Variants in AP4E1 observed in about 807,000 individuals in gnomAD.
AP4E1 encodes the protein AP-4 complex subunit epsilon-1.
In AP4E1, 56 loss-of-function variants were observed where a neutral mutation model predicts 128.2. The ratio of observed to expected loss-of-function variants is 0.44; its 90% CI spans 0.35 to 0.55. The LOEUF is 0.55. Ranked by LOEUF, AP4E1 falls within the 20% of genes least tolerant of loss-of-function variation. AP4E1 has a pLI of 0.00. For missense variants in AP4E1, 1,324 were observed against 1,307.7 expected (o/e 1.01, Z -0.19); for synonymous variants, 484 against 473.1 (o/e 1.02, Z -0.30).
chr15:50,986,985 A>C (rs1567258092), intron 16 of AP4E1, among the ~76,000 whole-genome samples: 1 of 152,042 alleles, frequency 6.6e-6, no homozygotes, highest in Non-Finnish European at 1.5e-5. Flanking sequence ...TCAATTTCAG[A>C]GCCTGTTATT....
chr15:50,927,125 T>C (rs372900311), intron 5 of AP4E1, among the ~76,000 whole-genome samples: 107 of 152,366 alleles, frequency 7.0e-4, no homozygotes, highest in African/African-American at 2.4e-3. Flanking sequence ...AACTTTTCCT[T>C]ACCACTACTT....
At chr15:50,940,168 G>A (rs962884395) in intron 8 of AP4E1, among the ~76,000 whole-genome samples, 2 of 152,042 alleles carry the variant, frequency 1.3e-5, no homozygotes, top group Non-Finnish European at 2.9e-5. Flanking sequence ...ATCATAAAGC[G>A]AACTTTTTTC....
At chr15:50,948,339 CTTTTT>C (rs66467957) in intron 11 of AP4E1, among the ~76,000 whole-genome samples, 180 bp downstream of exon 11, 1 of 122,060 alleles carries the variant, frequency 8.2e-6, no homozygotes, top group Non-Finnish European at 1.7e-5. Flanking sequence ...TAGGAGATGG[CTTTTT>C]TTTTTTTTTT....
intron 15 of AP4E1, among the ~76,000 whole-genome samples, chr15:50,983,713 C>T (rs1030626299): frequency 2.6e-5 from 4 of 152,136 alleles, no homozygotes; most frequent in Non-Finnish European, 5.9e-5. Context: ...AGCGACTTTT[C>T]AGTAGACTTG....
At chr15:50,973,897 T>C (rs1326318523) in intron 15 of AP4E1, among the ~76,000 whole-genome samples, 2 of 152,212 alleles carry the variant, frequency 1.3e-5, no homozygotes, top group African/African-American at 2.4e-5. Flanking sequence ...ATATCTCTTT[T>C]GGATCCTGAT....
At chr15:50,936,902 T>C (rs2063915089) in intron 8 of AP4E1, among the ~76,000 whole-genome samples, 1 of 152,040 alleles carries the variant, frequency 6.6e-6, no homozygotes, top group South Asian at 2.1e-4. Flanking sequence ...ATCATGCCAC[T>C]GCACTCTAGC....
intron 17 of AP4E1, among the ~76,000 whole-genome samples, chr15:50,995,908 G>T (rs1008722242): frequency 1.5e-5 from 2 of 136,244 alleles, no homozygotes; most frequent in African/African-American, 5.3e-5. Flanking sequence ...GACCAGAAAA[G>T]ACCAAAAAAA....
In AP4E1 at chr15:50,992,848, G is replaced by T. The variant is rs182999647; in HGVS notation, c.2091-522G>T. On this transcript the variant is annotated intron_variant, in intron 16 of 20. Transcript: ENST00000261842. ...GGGGAGCATGTATTCAGGGCAACTT[G>T]AATTTATGTTTCCTGGGTTGTAAAA... 2.0e-5 allele frequency among the ~76,000 whole-genome samples: 3 copies of T among 152,218 alleles called. No homozygotes were observed. In the East Asian group the frequency reaches 5.8e-4, roughly 29 times the overall value.
chr15:50,945,111 C>T (rs1011343375), intron 10 of AP4E1: 6 of 792,574 alleles, frequency 7.6e-6, no homozygotes, highest in Admixed American at 3.4e-5. Context: ...AGAACCATTA[C>T]ATACAACATT....
At chr15:50,928,860 A>T (rs1218585329) in intron 5 of AP4E1, 149 bp from the exon 6 acceptor site, 1 of 801,976 alleles carries the variant, frequency 1.2e-6, no homozygotes, top group Non-Finnish European at 1.9e-6. Context: ...ATATTAGAAT[A>T]AATAAATTAA....
At chr15:50,973,665 G>A (rs1231341313) in intron 15 of AP4E1, among the ~76,000 whole-genome samples, 3 of 152,084 alleles carry the variant, frequency 2.0e-5, no homozygotes, top group African/African-American at 7.2e-5. Context: ...GTGGACCCAT[G>A]CAATATTTTT....
Position 50,927,682 on chromosome 15 carries a change from T to G in AP4E1, c.543-1327T>G, listed in dbSNP as rs570733407. On this transcript the variant is annotated intron_variant, in intron 5 of 20. Coordinates refer to ENST00000261842, the MANE Select transcript of AP4E1 (RefSeq NM_007347.5). Reference sequence around the variant, plus strand: ...CTTTCTTTTCTTTTCTTTTTTTTTTTGTGAAGAGTTTTCCGTTATGGCATA... The same window carrying G: ...CTTTCTTTTCTTTTCTTTTTTTTTTGGTGAAGAGTTTTCCGTTATGGCATA... Among the ~76,000 whole-genome samples the G allele has an allele frequency of 3.3e-5, 5 of 152,098 alleles. 1 individual carries two copies. In the East Asian group the frequency reaches 9.6e-4, roughly 29 times the overall value.
At chr15:50,951,724 T>TC (rs1463381537) in intron 13 of AP4E1, among the ~76,000 whole-genome samples, 146 of 140,540 alleles carry the variant, frequency 1.0e-3, no homozygotes, top group African/African-American at 4.0e-3. Context: ...TTAATTTTCT[T>TC]TCTTTTTTTT....
rs561297953 is a variant in AP4E1, at chr15:50,982,238, T to G, written c.1967-1784T>G. On this transcript the variant is annotated intron_variant, in intron 15 of 20. Coordinates refer to ENST00000261842, the MANE Select transcript of AP4E1 (RefSeq NM_007347.5). Reference sequence around the variant, plus strand: ...TCTTGGACTTCTCAGTTTCTGGAACTATAAGCCAAGTAAATTTCTGTTCAT... The same window carrying G: ...TCTTGGACTTCTCAGTTTCTGGAACGATAAGCCAAGTAAATTTCTGTTCAT... 2.0e-5 allele frequency among the ~76,000 whole-genome samples: 3 copies of G among 152,278 alleles called. No homozygotes were observed. The East Asian group carries it at 5.8e-4, about 29-fold the overall frequency.
At chr15:50,977,683 CTT>C (rs1383863118) in intron 15 of AP4E1, among the ~76,000 whole-genome samples, 2 of 133,890 alleles carry the variant, frequency 1.5e-5, no homozygotes, top group African/African-American at 5.8e-5. Context: ...ATTCTTGAAT[CTT>C]TTAATTATCA....
At chr15:50,968,564 T>C (rs1019061158) in intron 15 of AP4E1, among the ~76,000 whole-genome samples, 187 bp downstream of exon 15, 3 of 152,228 alleles carry the variant, frequency 2.0e-5, no homozygotes, top group African/African-American at 7.2e-5. Context: ...CCAAGAGATA[T>C]TGCTAAAGAC....
chr15:50,987,195 C>CT (rs1365957481), intron 16 of AP4E1, among the ~76,000 whole-genome samples: 1 of 151,912 alleles, frequency 6.6e-6, no homozygotes, highest in African/African-American at 2.4e-5. Flanking sequence ...TGATTCTTCT[C>CT]TTTTTTTATT....
intron 13 of AP4E1, among the ~76,000 whole-genome samples, chr15:50,952,509 CA>C (rs1359239142): frequency 0.017 from 1,374 of 79,392 alleles, 16 homozygotes; most frequent in African/African-American, 0.048. Context: ...GACTCCATCT[CA>C]AAAAAAAAAA....
chr15:50,963,820 G>A (rs1165826248), intron 14 of AP4E1, among the ~76,000 whole-genome samples: 2 of 152,162 alleles, frequency 1.3e-5, no homozygotes, highest in South Asian at 2.1e-4. Flanking sequence ...TCGTATGTAC[G>A]CCAGATATGT....
Sources: allele counts gnomAD v4.1 joint callset (sites outside exome capture counted in the v4.1 genomes callset), GRCh38; gene constraint gnomAD v4.1.1; transcripts MANE v1.5; gene names NCBI Gene and HGNC (gene_info 2026-07-23, HGNC 2026-07-21).